B3GNT2: variants seen among roughly 807,000 people sequenced by gnomAD.
B3GNT2 encodes the protein N-acetyllactosaminide beta-1,3-N-acetylglucosaminyltransferase 2.
In B3GNT2, 12 loss-of-function variants were observed where a neutral mutation model predicts 27.6. That is an observed-to-expected ratio of 0.44 (90% CI 0.28 to 0.71). B3GNT2 has a LOEUF of 0.71. Ranked by LOEUF, B3GNT2 falls within the 30% of genes least tolerant of loss-of-function variation. The pLI is 0.17. For missense variants in B3GNT2, 413 were observed against 488.5 expected, an observed-to-expected ratio of 0.85 and a Z score of 1.46; for synonymous variants, 192 against 189.7, an observed-to-expected ratio of 1.01 and a Z score of -0.10.
intron 1 of B3GNT2, among the ~76,000 whole-genome samples, chr2:62,207,694 C>T (rs1191323266): frequency 6.6e-6 from 1 of 152,142 alleles, no homozygotes; most frequent in Non-Finnish European, 1.5e-5. Context: ...ACAAAGGGTT[C>T]GCCCTCCTGT....
At position 62,222,581 on chromosome 2, in the gene B3GNT2, C is replaced by G. The variant is rs1674736277; in HGVS notation, c.361C>G (p.Leu121Val). Residue 121 changes from leucine (L) to valine (V), a missense_variant, in exon 2 of 2, where the codon CTG (leucine) becomes GTG (valine). Coordinates refer to ENST00000301998, the MANE Select transcript of B3GNT2 (RefSeq NM_006577.6). This position sits in a 1 kb window ranked among gnomAD's most constrained non-coding sequence, Gnocchi z 4.2. ...GCCGGACAGATTTAAAGACTTTCTG[C>G]TGTATTTGAGATGCCGCAATTATTC... ...NLPDRFKDFL[L>V]YLRCRNYSLL... 1 of 1,614,082 alleles carries G rather than the reference C, an allele frequency of 6.2e-7. No individual in the cohort carries two copies. Among genetic ancestry groups the G allele is most frequent in the Admixed American group, 1.7e-5 (1 of 60,004 alleles).
At chr2:62,221,938 A>G (rs1355093092) in intron 1 of B3GNT2, 15 of 535,086 alleles carry the variant, frequency 2.8e-5, no homozygotes, top group South Asian at 2.1e-4. Context: ...GCCACGCGCT[A>G]TTTTAAAAGC....
At chr2:62,210,567 G>A (rs1450415668) in intron 1 of B3GNT2, among the ~76,000 whole-genome samples, 1 of 151,978 alleles carries the variant, frequency 6.6e-6, no homozygotes, top group East Asian at 1.9e-4. Context: ...TCAGGAGTTC[G>A]AGACCATCCT....
At chr2:62,196,549 C>T (rs1159559503) in intron 1 of B3GNT2, among the ~76,000 whole-genome samples, 194 bp downstream of exon 1, 1 of 152,234 alleles carries the variant, frequency 6.6e-6, no homozygotes, top group Non-Finnish European at 1.5e-5. Context: ...CCCTAGGTGG[C>T]TCCTGCCGCA....
chr2:62,207,390 G>T (rs1411246377), intron 1 of B3GNT2, among the ~76,000 whole-genome samples: 1 of 152,100 alleles, frequency 6.6e-6, no homozygotes, highest in Non-Finnish European at 1.5e-5. Context: ...TCATCATTTG[G>T]TTAGACTTAC....
chr2:62,200,092 C>T (rs1188667378), intron 1 of B3GNT2, among the ~76,000 whole-genome samples: 1 of 152,162 alleles, frequency 6.6e-6, no homozygotes, highest in Non-Finnish European at 1.5e-5. Context: ...GATTTTTGCC[C>T]TCTGTGTGTT....
In B3GNT2 at chr2:62,222,616, A is replaced by G. The variant is rs1157222527; in HGVS notation, c.396A>G (p.Ile132Met). The change falls in exon 2 of 2, where the codon ATA becomes ATG. Residue 132 changes from isoleucine to methionine, a missense_variant. Coordinates refer to ENST00000301998, the MANE Select transcript of B3GNT2 (RefSeq NM_006577.6). The surrounding 1 kb of genome is among the most constrained non-coding windows in gnomAD (Gnocchi z 4.2). ...GATGCCGCAATTATTCACTGCTTAT[A>G]GATCAGCCGGATAAGTGTGCAAAGA... ...YLRCRNYSLL[I>M]DQPDKCAKKP... 1.2e-6 allele frequency: 2 copies of G among 1,614,120 alleles called. No homozygotes were observed. The highest frequency in any genetic ancestry group is 1.3e-5 in the African/African-American group (1 of 74,932).
chr2:62,220,056 CGG>C (rs1194267148), intron 1 of B3GNT2, among the ~76,000 whole-genome samples: 22 of 152,224 alleles, frequency 1.4e-4, no homozygotes, highest in Admixed American at 1.3e-4. Context: ...CTGAGCAATA[CGG>C]GATTATAAAA....
intron 1 of B3GNT2, among the ~76,000 whole-genome samples, chr2:62,220,346 CAGT>C (rs1674665619): frequency 6.6e-6 from 1 of 152,192 alleles, no homozygotes; most frequent in Admixed American, 6.5e-5. Flanking sequence ...GTGGTTTCAG[CAGT>C]AGTAAATACA....
At chr2:62,199,866 C>G (rs1674227041) in intron 1 of B3GNT2, among the ~76,000 whole-genome samples, 1 of 152,182 alleles carries the variant, frequency 6.6e-6, no homozygotes, top group African/African-American at 2.4e-5. Flanking sequence ...GAGGCAATTA[C>G]TGTTTGAATA....
At chr2:62,216,648 C>G (rs1009810349) in intron 1 of B3GNT2, among the ~76,000 whole-genome samples, 1 of 152,184 alleles carries the variant, frequency 6.6e-6, no homozygotes, top group African/African-American at 2.4e-5. Context: ...AAGCAATCCT[C>G]TCACCCTGGC....
At chr2:62,197,056 C>T (rs1426893240) in intron 1 of B3GNT2, among the ~76,000 whole-genome samples, 6 of 146,696 alleles carry the variant, frequency 4.1e-5, no homozygotes. Flanking sequence ...ACACTGTTTG[C>T]GTTGAATGAT....
intron 1 of B3GNT2, among the ~76,000 whole-genome samples, chr2:62,221,211 T>G (rs1674683646): frequency 6.6e-6 from 1 of 152,224 alleles, no homozygotes; most frequent in South Asian, 2.1e-4. Flanking sequence ...TCATTCACAA[T>G]GTAATGTTGT....
chr2:62,199,758 G>T (rs1246318952), intron 1 of B3GNT2, among the ~76,000 whole-genome samples: 1 of 152,226 alleles, frequency 6.6e-6, no homozygotes, highest in Non-Finnish European at 1.5e-5. Context: ...TGTGGACCCA[G>T]CTGTCTTTTT....
chr2:62,201,452 A>G (rs1674262188), intron 1 of B3GNT2, among the ~76,000 whole-genome samples: 1 of 152,234 alleles, frequency 6.6e-6, no homozygotes, highest in African/African-American at 2.4e-5. Context: ...ATGTTTAGTG[A>G]AATAATTATT....
chr2:62,208,693 A>G (rs1334478965), intron 1 of B3GNT2, among the ~76,000 whole-genome samples: 1 of 152,190 alleles, frequency 6.6e-6, no homozygotes, highest in East Asian at 1.9e-4. Context: ...AGTGTTTAAA[A>G]TGTTTGATCA....
At chr2:62,211,993 G>T (rs528527159) in intron 1 of B3GNT2, among the ~76,000 whole-genome samples, 2 of 152,174 alleles carry the variant, frequency 1.3e-5, no homozygotes, top group Admixed American at 1.3e-4. Flanking sequence ...AAAAATGTTC[G>T]TTGTTAGAAA....
At chr2:62,204,515 G>A (rs1674330987) in intron 1 of B3GNT2, among the ~76,000 whole-genome samples, 1 of 152,210 alleles carries the variant, frequency 6.6e-6, no homozygotes, top group Admixed American at 6.5e-5. Flanking sequence ...TAATGAAAGG[G>A]TCGAAGTGTT....
chr2:62,201,677 A>C (rs983478422), intron 1 of B3GNT2, among the ~76,000 whole-genome samples: 1 of 152,250 alleles, frequency 6.6e-6, no homozygotes, highest in Non-Finnish European at 1.5e-5. Context: ...ACTTTCATTA[A>C]ATGTTTATTT....
Sources: gnomAD v4.1 joint callset for allele counts (sites outside exome capture counted in the v4.1 genomes callset) on GRCh38, gnomAD v4.1.1 for gene constraint, Gnocchi (gnomAD v3.1) non-coding constraint, MANE v1.5 for transcripts, NCBI Gene and HGNC (gene_info 2026-07-23, HGNC 2026-07-21) for gene names.